Variants in SPIDR observed in about 807,000 individuals in gnomAD.
SPIDR encodes the protein DNA repair-scaffolding protein.
In SPIDR, 93 loss-of-function variants were observed where a neutral mutation model predicts 104.6. The ratio of observed to expected loss-of-function variants is 0.89; its 90% CI spans 0.75 to 1.06. The LOEUF is 1.06. Ranked by LOEUF, SPIDR falls within the 50% of genes least tolerant of loss-of-function variation. SPIDR has a pLI of 0.00. For synonymous variants in SPIDR, 431 were observed against 416.9 expected, an observed-to-expected ratio of 1.03 and a Z score of -0.41; for missense variants, 1,154 against 1,111.2, an observed-to-expected ratio of 1.04 and a Z score of -0.55.
intron 8 of SPIDR, chr8:47,546,703 C>A (rs1429772101): frequency 1.9e-5 from 3 of 155,954 alleles, no homozygotes; most frequent in African/African-American, 4.8e-5. Context: ...TGATTTGAAC[C>A]TTTTCTCGTA....
intron 8 of SPIDR, among the ~76,000 whole-genome samples, chr8:47,463,721 A>T (rs190379705): frequency 1.3e-5 from 2 of 152,354 alleles, no homozygotes. Flanking sequence ...ACAAAAACCA[A>T]TTCATGTAAT....
chr8:47,612,885 C>T (rs2063778282), intron 10 of SPIDR, among the ~76,000 whole-genome samples: 1 of 152,214 alleles, frequency 6.6e-6, no homozygotes, highest in South Asian at 2.1e-4. Flanking sequence ...GAGACTGTTT[C>T]CAGTCACTGC....
chr8:47,296,718 T>A (rs2040906496), intron 5 of SPIDR, among the ~76,000 whole-genome samples: 1 of 152,148 alleles, frequency 6.6e-6, no homozygotes, highest in Non-Finnish European at 1.5e-5. Flanking sequence ...CTTTTCGCTT[T>A]GGCCATTTGG....
At chr8:47,310,206 C>T (rs587625193) in intron 5 of SPIDR, among the ~76,000 whole-genome samples, 8 of 151,458 alleles carry the variant, frequency 5.3e-5, no homozygotes, top group East Asian at 1.9e-4. Context: ...TGTTGGTGGG[C>T]GCCTGTAGTC....
chr8:47,462,191 A>G (rs1357556352), intron 8 of SPIDR, among the ~76,000 whole-genome samples: 1 of 151,980 alleles, frequency 6.6e-6, no homozygotes, highest in Non-Finnish European at 1.5e-5. Flanking sequence ...TCTCTTCTGG[A>G]TCTAGCCATT....
intron 10 of SPIDR, among the ~76,000 whole-genome samples, chr8:47,604,821 G>T (rs369050214): frequency 6.6e-6 from 1 of 152,250 alleles, no homozygotes; most frequent in Non-Finnish European, 1.5e-5. Flanking sequence ...CATCGAAGAA[G>T]AGATGTCCTG....
intron 7 of SPIDR, among the ~76,000 whole-genome samples, chr8:47,411,784 T>G (rs2063563663): frequency 6.6e-6 from 1 of 152,242 alleles, no homozygotes; most frequent in African/African-American, 2.4e-5. Flanking sequence ...TTTTATGGTT[T>G]TAGGTCTAAC....
intron 8 of SPIDR, among the ~76,000 whole-genome samples, chr8:47,541,502 C>T (rs746870044): frequency 6.6e-6 from 1 of 152,200 alleles, no homozygotes; most frequent in South Asian, 2.1e-4. Context: ...TTAATGCTAG[C>T]AACACTCAGA....
At chr8:47,619,943 G>GA (rs1395619686) in intron 10 of SPIDR, among the ~76,000 whole-genome samples, 5 of 152,182 alleles carry the variant, frequency 3.3e-5, no homozygotes, top group Non-Finnish European at 4.4e-5. Context: ...GGAAAGGAAG[G>GA]AAGAGAAGAA....
chr8:47,456,684 T>C (rs782419007), intron 8 of SPIDR, among the ~76,000 whole-genome samples: 5 of 152,116 alleles, frequency 3.3e-5, no homozygotes, highest in Non-Finnish European at 5.9e-5. Context: ...TTAGTGGCAA[T>C]TTGTGAGACT....
intron 5 of SPIDR, among the ~76,000 whole-genome samples, chr8:47,326,042 A>G (rs1272326983): frequency 6.6e-6 from 1 of 151,920 alleles, no homozygotes; most frequent in African/African-American, 2.4e-5. Flanking sequence ...CTCACAATGG[A>G]CTGCAGTGGT....
intron 7 of SPIDR, among the ~76,000 whole-genome samples, chr8:47,427,848 G>T (rs1167494810): frequency 6.6e-6 from 1 of 152,214 alleles, no homozygotes; most frequent in East Asian, 1.9e-4. Context: ...CTGAGATGGG[G>T]TTGTGGTCCA....
intron 8 of SPIDR, among the ~76,000 whole-genome samples, chr8:47,548,421 G>C (rs2089844030): frequency 6.6e-6 from 1 of 152,250 alleles, no homozygotes; most frequent in Non-Finnish European, 1.5e-5. Flanking sequence ...GCCGAGGCTG[G>C]TGGATCACCT....
chr8:47,621,085 T>C (rs1435008616), intron 10 of SPIDR, among the ~76,000 whole-genome samples: 1 of 151,804 alleles, frequency 6.6e-6, no homozygotes, highest in East Asian at 1.9e-4. Context: ...GCCTCCCAAG[T>C]AGCTGGGACT....
chr8:47,446,600 TA>T (rs1355954904), intron 8 of SPIDR, among the ~76,000 whole-genome samples: 2 of 150,484 alleles, frequency 1.3e-5, no homozygotes, highest in African/African-American at 2.4e-5. Flanking sequence ...TTTTTTTTTT[TA>T]AATGAGATGG....
At chr8:47,290,047 G>A (rs2039618596) in intron 3 of SPIDR, among the ~76,000 whole-genome samples, 1 of 152,068 alleles carries the variant, frequency 6.6e-6, no homozygotes, top group Non-Finnish European at 1.5e-5. Context: ...CTTTTTGTGT[G>A]TGTGTGTGTG....
chr8:47,479,490 C>A lies in SPIDR; in HGVS notation c.1097+38948C>A, dbSNP rs144336947. On this transcript the variant is annotated intron_variant, in intron 8 of 19. Transcript: ENST00000297423. ...CTCCCATAGCAGGTACAACTTCTGT[C>A]TCAAGGTCATAAACAGGCTCCTGTG... Among the ~76,000 whole-genome samples, 28 of 152,306 alleles carry A rather than the reference C, an allele frequency of 1.8e-4. No homozygotes were observed. The East Asian group carries it at 5.4e-3, about 29-fold the overall frequency.
At chr8:47,681,069 CAA>C (rs897188710) in intron 11 of SPIDR, among the ~76,000 whole-genome samples, 3 of 152,140 alleles carry the variant, frequency 2.0e-5, no homozygotes, top group South Asian at 2.1e-4. Flanking sequence ...TCTCAAAAAA[CAA>C]AAAGAGAGAG....
At chr8:47,663,613 A>T (rs918379462) in intron 10 of SPIDR, among the ~76,000 whole-genome samples, 6 of 152,210 alleles carry the variant, frequency 3.9e-5, no homozygotes, top group African/African-American at 1.4e-4. Context: ...CACTTCCATT[A>T]TCTGGCTTGG....
Sources: allele counts gnomAD v4.1 joint callset (sites outside exome capture counted in the v4.1 genomes callset), GRCh38; gene constraint gnomAD v4.1.1; transcripts MANE v1.5; gene names NCBI Gene and HGNC (gene_info 2026-07-23, HGNC 2026-07-21).